ELMO2: variants seen among roughly 807,000 people sequenced by gnomAD.
ELMO2 encodes the protein engulfment and cell motility protein 2.
In ELMO2, 37 loss-of-function variants were observed where a neutral mutation model predicts 96.2. That is an observed-to-expected ratio of 0.38 (90% CI 0.30 to 0.51). ELMO2 has a LOEUF of 0.51. Among genes scored for constraint, ELMO2 ranks in the 20% least tolerant of loss-of-function variants. The pLI, the probability that ELMO2 is intolerant of heterozygous loss-of-function variation, is 0.88. For synonymous variants in ELMO2, 315 were observed against 329.4 expected, an observed-to-expected ratio of 0.96 and a Z score of 0.47; for missense variants, 561 against 912.6, an observed-to-expected ratio of 0.61 and a Z score of 4.96.
At chr20:46,380,874 C>T (rs1048724768) in intron 10 of ELMO2, among the ~76,000 whole-genome samples, 4 of 152,136 alleles carry the variant, frequency 2.6e-5, no homozygotes, top group African/African-American at 9.7e-5. Context: ...TTATAACAGG[C>T]TCACCTTTTT....
rs1472988789 is a variant in ELMO2, at chr20:46,375,227, G to A, written c.1065+9C>T. On this transcript the variant is annotated intron_variant, in intron 13 of 21. Transcript: ENST00000290246. The surrounding 1 kb of genome is among the most constrained non-coding windows in gnomAD (Gnocchi z 4.6). Reference sequence around the variant, plus strand: ...GGGCCTACCACCGTCTATGCTCTGAGGTACTTACGGTAAATCCCAGCATTT... The same window carrying A: ...GGGCCTACCACCGTCTATGCTCTGAAGTACTTACGGTAAATCCCAGCATTT... 1.2e-6 allele frequency: 2 copies of A among 1,613,142 alleles called. No homozygotes were observed. The highest frequency in any genetic ancestry group is 1.7e-6 in the Non-Finnish European group (2 of 1,179,872).
At position 46,367,393 on chromosome 20, in the gene ELMO2, G is replaced by A. The variant is rs1367626495; in HGVS notation, c.2130C>T (p.Pro710=). The change falls in exon 22 of 22, where the codon CCC becomes CCT. Residue 710 remains proline, a synonymous_variant. Transcript: ENST00000290246. ...PEAPPPIPKE[P]SSYDFVYHYG Reference sequence around the variant, plus strand: ...AGTGATAGACAAAGTCATAGCTGCTGGGCTCCTTGGGGATGGGGGGTGGGG... The same window carrying A: ...AGTGATAGACAAAGTCATAGCTGCTAGGCTCCTTGGGGATGGGGGGTGGGG... 6.2e-7 allele frequency: 1 copy of A among 1,603,060 alleles called. No homozygotes were observed. The highest frequency in any genetic ancestry group is 8.5e-7 in the Non-Finnish European group (1 of 1,175,022).
chr20:46,374,103 T>TG (rs1443214773), intron 15 of ELMO2, among the ~76,000 whole-genome samples: 6 of 142,140 alleles, frequency 4.2e-5, no homozygotes, highest in African/African-American at 1.3e-4. Flanking sequence ...TTTTGGTTTT[T>TG]TTTTTTTTTT....
At chr20:46,399,822 C>T (rs531490692) in intron 1 of ELMO2, among the ~76,000 whole-genome samples, 1 of 152,292 alleles carries the variant, frequency 6.6e-6, no homozygotes, top group African/African-American at 2.4e-5. Flanking sequence ...TCTGGTGTTC[C>T]CTCTGCGTCC....
At chr20:46,391,136 G>A (rs1389812956) in intron 6 of ELMO2, among the ~76,000 whole-genome samples, 2 of 152,176 alleles carry the variant, frequency 1.3e-5, no homozygotes, top group African/African-American at 4.8e-5. Context: ...CTCCCAGACT[G>A]TCATATTAAA....
intron 13 of ELMO2, among the ~76,000 whole-genome samples, chr20:46,374,957 C>T (rs541621147): frequency 2.7e-4 from 41 of 152,330 alleles, no homozygotes; most frequent in Non-Finnish European, 4.9e-4. Flanking sequence ...TTGCAAAGAA[C>T]CTAGCAGTTT....
chr20:46,395,523 G>A (rs893350606), intron 2 of ELMO2, among the ~76,000 whole-genome samples: 28 of 152,142 alleles, frequency 1.8e-4, no homozygotes, highest in African/African-American at 6.8e-4. Context: ...TTCATGCCTC[G>A]CTAATGGGGA....
intron 10 of ELMO2, among the ~76,000 whole-genome samples, chr20:46,382,824 T>TATCTG (rs2059980487): frequency 6.6e-6 from 1 of 152,234 alleles, no homozygotes; most frequent in African/African-American, 2.4e-5. Context: ...GAGGCAGAGC[T>TATCTG]ATCTGCATAA....
chr20:46,373,136 C>CAGA (rs1056016600), intron 16 of ELMO2: 33 of 454,586 alleles, frequency 7.3e-5, no homozygotes, highest in Non-Finnish European at 1.1e-4. Context: ...TCCTCCTGAC[C>CAGA]TCTCTGGAGG....
At chr20:46,379,646 G>A (rs1474842268) in intron 11 of ELMO2, among the ~76,000 whole-genome samples, 2 of 152,034 alleles carry the variant, frequency 1.3e-5, no homozygotes, top group East Asian at 3.9e-4. Context: ...CTCCTTCTGG[G>A]TTCTGGCTGC....
chr20:46,370,343 G>T, intron 20 of ELMO2, 100 bp downstream of exon 20: 1 of 1,023,524 alleles, frequency 9.8e-7, no homozygotes, highest in Non-Finnish European at 1.6e-6. Flanking sequence ...TTCAGGAATA[G>T]AGAGGGGAAG....
At chr20:46,403,786 C>T (rs2060374631) in intron 1 of ELMO2, among the ~76,000 whole-genome samples, 1 of 152,180 alleles carries the variant, frequency 6.6e-6, no homozygotes, top group Non-Finnish European at 1.5e-5. Context: ...TGAGCAATTG[C>T]TGAACTGGGG....
At chr20:46,373,301 T>C (rs2059769108) in intron 16 of ELMO2, 98 bp downstream of exon 16, 18 of 1,540,154 alleles carry the variant, frequency 1.2e-5, no homozygotes, top group Non-Finnish European at 1.6e-5. Flanking sequence ...CCAAGCTGCT[T>C]TTCCAGCTCA....
intron 20 of ELMO2, 63 bp downstream of exon 20, chr20:46,370,380 C>T (rs750368495): frequency 3.4e-6 from 5 of 1,484,722 alleles, no homozygotes; most frequent in Non-Finnish European, 4.7e-6. Context: ...TGGAAAAAAC[C>T]ACCACCAATG....
chr20:46,376,084 A>G (rs1324192149), intron 11 of ELMO2, among the ~76,000 whole-genome samples: 1 of 152,224 alleles, frequency 6.6e-6, no homozygotes, highest in Non-Finnish European at 1.5e-5. Context: ...AGGCTACTCC[A>G]TCAAGGCTAT....
At chr20:46,395,866 G>A (rs1330152057) in intron 2 of ELMO2, among the ~76,000 whole-genome samples, 1 of 152,234 alleles carries the variant, frequency 6.6e-6, no homozygotes, top group Non-Finnish European at 1.5e-5. Context: ...CCACGAATTA[G>A]GCAGAACAGG....
intron 21 of ELMO2, 34 bp from the exon 22 acceptor site, chr20:46,367,594 G>C: frequency 6.4e-7 from 1 of 1,561,734 alleles, no homozygotes; most frequent in South Asian, 1.2e-5. Context: ...GTCACATCGT[G>C]ACCCCTGGTC....
chr20:46,387,664 TA>T (rs1204527034), intron 7 of ELMO2: 6 of 354,838 alleles, frequency 1.7e-5, no homozygotes, highest in Non-Finnish European at 3.0e-5. Context: ...TGTTGCTGGG[TA>T]ATTAGATCTT....
chr20:46,369,544 A>T (rs1266680572), intron 20 of ELMO2: 1 of 153,378 alleles, frequency 6.5e-6, no homozygotes, highest in Non-Finnish European at 1.5e-5. Context: ...AAAAGCAATG[A>T]CTGCATCAAA....
Sources: allele counts gnomAD v4.1 joint callset (sites outside exome capture counted in the v4.1 genomes callset), GRCh38; gene constraint gnomAD v4.1.1; non-coding constraint Gnocchi (gnomAD v3.1); transcripts MANE v1.5; gene names NCBI Gene and HGNC (gene_info 2026-07-23, HGNC 2026-07-21).